RIPOR3: variants seen among roughly 807,000 people sequenced by gnomAD.
RIPOR3 encodes family with sequence similarity 65 member C.
RIPOR3 carries 95 observed loss-of-function variants against 114.3 expected under a neutral mutation model. That is an observed-to-expected ratio of 0.83 (90% confidence interval 0.70 to 0.99). RIPOR3 has a LOEUF of 0.99. RIPOR3 is among the 50% of genes least tolerant of loss of function. RIPOR3 has a pLI of 0.00. For synonymous variants in RIPOR3, 575 were observed against 543.8 expected (o/e 1.06, Z -0.80); for missense variants, 1,252 against 1,266.9 (o/e 0.99, Z 0.18).
At chr20:50,616,140 A>T in intron 3 of RIPOR3, 60 bp from the exon 4 acceptor site, 1 of 1,533,918 alleles carries the variant, frequency 6.5e-7, no homozygotes, top group Non-Finnish European at 8.9e-7. Context: ...GAAAGGAAGT[A>T]GGCCAAATGG....
At chr20:50,641,093 T>C (rs1488743158) in intron 1 of RIPOR3, among the ~76,000 whole-genome samples, 3 of 151,970 alleles carry the variant, frequency 2.0e-5, no homozygotes, top group Non-Finnish European at 4.4e-5. Flanking sequence ...GTATTTTTAG[T>C]AGAGACAGAT....
intron 1 of RIPOR3, among the ~76,000 whole-genome samples, chr20:50,653,404 A>C (rs1322976835): frequency 6.6e-6 from 1 of 151,960 alleles, no homozygotes; most frequent in Non-Finnish European, 1.5e-5. Flanking sequence ...AGCTTTGTGA[A>C]TATGCCAAAA....
At position 50,587,155 on chromosome 20, in the gene RIPOR3, C is replaced by G; in HGVS notation, c.*77G>C. ...CTGGAGGAGTGCACAGCACCATTAC[C>G]CAGAGTGCAGGCTATGTCCAGGCTG... On this transcript the variant is annotated 3_prime_UTR_variant, in exon 22 of 22. Coordinates refer to ENST00000327979, the MANE Select transcript of RIPOR3 (RefSeq NM_001290268.2). The G allele has an allele frequency of 8.9e-7, 1 of 1,117,694 alleles. No homozygotes were observed. Among genetic ancestry groups the G allele is most frequent in the Non-Finnish European group, 1.3e-6 (1 of 741,232 alleles). The allele number at this position is 1,117,694 out of a possible 1,614,324, so 69.2% of individuals were successfully genotyped here.
rs1270961537 is a variant in RIPOR3 at position 50,593,211 on chromosome 20, G to A, written c.2213-15C>T. The A allele has an allele frequency of 1.9e-6, 3 of 1,608,454 alleles. No individual in the cohort carries two copies. Among genetic ancestry groups the A allele is most frequent in the Non-Finnish European group, 1.7e-6 (2 of 1,179,538 alleles). Reference sequence around the variant, plus strand: ...CCTGCGGCACGCTGGCCAAAGGGGAGAGTACATCAGGAGAAACTGAGACCT... The same window carrying A: ...CCTGCGGCACGCTGGCCAAAGGGGAAAGTACATCAGGAGAAACTGAGACCT... On this transcript the variant is annotated splice_polypyrimidine_tract_variant and intron_variant, in intron 17 of 21. Coordinates refer to ENST00000327979, the MANE Select transcript of RIPOR3 (RefSeq NM_001290268.2).
At chr20:50,596,377 C>T (rs2083292180) in intron 14 of RIPOR3, 114 bp from the exon 15 acceptor site, 1 of 1,441,444 alleles carries the variant, frequency 6.9e-7, no homozygotes, top group Non-Finnish European at 9.5e-7. Flanking sequence ...ACTCCAGGTC[C>T]CAGGAAGTTC....
chr20:50,633,781 G>A (rs2084893466), intron 1 of RIPOR3, among the ~76,000 whole-genome samples: 2 of 152,174 alleles, frequency 1.3e-5, no homozygotes, highest in Non-Finnish European at 2.9e-5. Flanking sequence ...TGCTCAGTGT[G>A]AGAGAGAGGA....
At chr20:50,671,982 GTGGATGGATGGA>G (rs71190589) in intron 1 of RIPOR3, among the ~76,000 whole-genome samples, 109,914 of 136,984 alleles carry the variant, frequency 0.8, 44,883 homozygotes, top group East Asian at 0.94. Flanking sequence ...GGATGGGTGC[GTGGATGGATGGA>G]TGGATGGATG....
intron 1 of RIPOR3, chr20:50,662,293 T>C (rs1600711948): frequency 6.6e-6 from 1 of 152,312 alleles, no homozygotes; most frequent in Non-Finnish European, 1.5e-5. Flanking sequence ...GCAGTCATAA[T>C]TGGCCACATT....
intron 4 of RIPOR3, among the ~76,000 whole-genome samples, chr20:50,612,690 G>A (rs79182083): frequency 0.049 from 7,387 of 152,228 alleles, 252 homozygotes; most frequent in Middle Eastern, 0.085. Flanking sequence ...GATGGGACAC[G>A]GAAGATTGAA....
intron 20 of RIPOR3, among the ~76,000 whole-genome samples, chr20:50,588,265 A>G (rs1345767638): frequency 1.3e-5 from 2 of 152,208 alleles, no homozygotes; most frequent in East Asian, 3.8e-4. Context: ...CGCCCAACTC[A>G]GGCACATGCC....
At chr20:50,656,355 A>T (rs979482930) in intron 1 of RIPOR3, among the ~76,000 whole-genome samples, 12 of 152,172 alleles carry the variant, frequency 7.9e-5, no homozygotes, top group Non-Finnish European at 1.8e-4. Flanking sequence ...AAATGGTGTA[A>T]TAATAGTGCC....
chr20:50,657,542 A>C (rs1191891143), intron 1 of RIPOR3, among the ~76,000 whole-genome samples: 1 of 151,964 alleles, frequency 6.6e-6, no homozygotes, highest in Middle Eastern at 3.2e-3. Flanking sequence ...AAAAAGAGAG[A>C]AAGAGAGAGA....
intron 1 of RIPOR3, among the ~76,000 whole-genome samples, chr20:50,667,285 ACT>A (rs2086281757): frequency 8.9e-6 from 1 of 112,732 alleles, no homozygotes; most frequent in Non-Finnish European, 1.8e-5. Flanking sequence ...TCTTTAAACT[ACT>A]TTTTTTTTTT....
chr20:50,637,921 A>G (rs184910933), intron 1 of RIPOR3, among the ~76,000 whole-genome samples: 1 of 151,944 alleles, frequency 6.6e-6, no homozygotes, highest in East Asian at 1.9e-4. Flanking sequence ...TATTATTATT[A>G]TTATTTTTAT....
At position 50,596,194 on chromosome 20, in the gene RIPOR3, T is replaced by C; in HGVS notation, c.1860A>G (p.Pro620=). ...ASSRELTAGA[P]ELDVLLMVHL... ...GTACCATCAGCAGCACGTCCAGCTC[T>C]GGGGCACCGGCTGTGAGTTCCCTGG... Residue 620 remains proline, a synonymous_variant, in exon 15 of 22, where the codon CCA becomes CCG. Transcript: ENST00000327979. 6.2e-7 allele frequency: 1 copy of C among 1,614,202 alleles called. No individual in the cohort carries two copies. The highest frequency in any genetic ancestry group is 8.5e-7 in the Non-Finnish European group (1 of 1,180,038).
At position 50,626,267 on chromosome 20, in the gene RIPOR3, G is replaced by T. The variant is rs181745223; in HGVS notation, c.122+4471C>A. 2.6e-3 allele frequency among the ~76,000 whole-genome samples: 393 copies of T among 152,374 alleles called. 5 individuals carry two copies. Among genetic ancestry groups the T allele is most frequent in the African/African-American group, 8.9e-3 (370 of 41,590 alleles). ...TTCTTCCTTGCCCTCACACAAGGGG[G>T]CGGCAGAGGCCAAGGCCAGGTGGGG... On this transcript the variant is annotated intron_variant, in intron 2 of 21. Transcript: ENST00000327979.
At chr20:50,601,952 C>T in intron 13 of RIPOR3, 120 bp downstream of exon 13, 9 of 982,808 alleles carry the variant, frequency 9.2e-6, no homozygotes, top group Non-Finnish European at 1.3e-5. Flanking sequence ...ACGGCCCACC[C>T]AGGTCACGCA....
chr20:50,680,663 C>T (rs950365636), intron 1 of RIPOR3, among the ~76,000 whole-genome samples: 1 of 152,256 alleles, frequency 6.6e-6, no homozygotes, highest in Non-Finnish European at 1.5e-5. Context: ...AGAGCAGCCT[C>T]TTACGCAATA....
At position 50,605,855 on chromosome 20, in the gene RIPOR3, A is replaced by G. The variant is rs767264673; in HGVS notation, c.957-1081T>C. On this transcript the variant is annotated intron_variant, in intron 11 of 21. Coordinates refer to ENST00000327979, the MANE Select transcript of RIPOR3 (RefSeq NM_001290268.2). ...GGCCTCCAAGTCCAGGGCCTTGCCC[A>G]TGGTCACAGGTGCAGCCTAGGAACT... Among the ~76,000 whole-genome samples, 6 of 152,050 alleles carry G rather than the reference A, an allele frequency of 3.9e-5. No homozygotes were observed. The South Asian group carries it at 8.3e-4, about 21-fold the overall frequency.
Sources: gnomAD v4.1 joint callset for allele counts (sites outside exome capture counted in the v4.1 genomes callset) on GRCh38, gnomAD v4.1.1 for gene constraint, MANE v1.5 for transcripts, NCBI Gene and HGNC (gene_info 2026-07-23, HGNC 2026-07-21) for gene names.